Variants in RBM39 observed in about 807,000 individuals in gnomAD.
The protein encoded by RBM39 is RNA-binding protein 39.
In RBM39, 12 loss-of-function variants were observed where a neutral mutation model predicts 79.6. That is an observed-to-expected ratio of 0.15 (90% confidence interval 0.10 to 0.24). The LOEUF is 0.24. Among genes scored for constraint, RBM39 ranks in the 10% least tolerant of loss-of-function variants. The pLI is 1.00. For missense variants in RBM39, 243 were observed against 653.4 expected, an observed-to-expected ratio of 0.37 and a Z score of 6.85; for synonymous variants, 185 against 208.4, an observed-to-expected ratio of 0.89 and a Z score of 0.97.
At chr20:35,715,401 C>G (rs984838065) in intron 10 of RBM39, among the ~76,000 whole-genome samples, 1 of 152,134 alleles carries the variant, frequency 6.6e-6, no homozygotes, top group Non-Finnish European at 1.5e-5. Flanking sequence ...GTCTTGATCT[C>G]CTGACCTCAG....
chr20:35,738,977 C>T lies in RBM39; in HGVS notation c.92G>A (p.Arg31His). The T allele has an allele frequency of 1.9e-6, 3 of 1,613,326 alleles. No homozygotes were observed. Among genetic ancestry groups the T allele is most frequent in the Non-Finnish European group, 2.5e-6 (3 of 1,179,280 alleles). Reference sequence around the variant, plus strand: ...CCTTCTTAAAACTCACTTTTTGCTACGTTCTTCATGGCCGTTGGCACTGCT... The same window carrying T: ...CCTTCTTAAAACTCACTTTTTGCTATGTTCTTCATGGCCGTTGGCACTGCT... Reference protein sequence around the residue: ...KLSSANGHEERSKKRKKSKSR... With the variant: ...KLSSANGHEEHSKKRKKSKSR... The change falls in exon 3 of 17, where the codon CGT becomes CAT. Residue 31 changes from arginine to histidine, a missense_variant. Around this residue, in one of 4 missense-constraint regions of RBM39, gnomAD observed 115 missense variants for 184.1 expected, o/e 0.62. Coordinates refer to ENST00000253363, the MANE Select transcript of RBM39 (RefSeq NM_184234.3).
chr20:35,714,458 A>G, intron 10 of RBM39, 69 bp from the exon 11 acceptor site: 2 of 1,448,334 alleles, frequency 1.4e-6, no homozygotes, highest in Non-Finnish European at 9.1e-7. Context: ...ATACTTAAAA[A>G]TATATTTATA....
chr20:35,717,253 C>A (rs1462896406), intron 9 of RBM39, among the ~76,000 whole-genome samples: 2 of 151,062 alleles, frequency 1.3e-5, no homozygotes, highest in Non-Finnish European at 2.9e-5. Flanking sequence ...GTACTCCAGC[C>A]TGGACAACAG....
At chr20:35,725,238 A>T in intron 6 of RBM39, 83 bp from the exon 7 acceptor site, 1 of 988,420 alleles carries the variant, frequency 1.0e-6, no homozygotes. Flanking sequence ...CATATAGTTC[A>T]ACAGGTTTTC....
At chr20:35,720,589 G>A (rs187672518) in intron 9 of RBM39, among the ~76,000 whole-genome samples, 2 of 150,304 alleles carry the variant, frequency 1.3e-5, no homozygotes, top group East Asian at 1.9e-4. Flanking sequence ...GGCCAACATG[G>A]TAAAGCCCTG....
intron 6 of RBM39, among the ~76,000 whole-genome samples, chr20:35,725,690 T>G (rs1338565282): frequency 6.6e-6 from 1 of 150,746 alleles, no homozygotes; most frequent in Non-Finnish European, 1.5e-5. Flanking sequence ...AGAGGAAGTC[T>G]TGTTCTTGTC....
intron 3 of RBM39, among the ~76,000 whole-genome samples, chr20:35,738,054 G>A (rs1038040772): frequency 2.0e-5 from 3 of 151,894 alleles, no homozygotes; most frequent in Non-Finnish European, 2.9e-5. Context: ...CTAATCGGAG[G>A]CTGAGGCAGG....
At chr20:35,719,440 G>A (rs563607573) in intron 9 of RBM39, among the ~76,000 whole-genome samples, 9 of 152,116 alleles carry the variant, frequency 5.9e-5, no homozygotes, top group Non-Finnish European at 1.2e-4. Flanking sequence ...AGTGGCTCAC[G>A]CCTGTAATGA....
At chr20:35,717,379 T>C (rs746617159) in intron 9 of RBM39, among the ~76,000 whole-genome samples, 2 of 151,110 alleles carry the variant, frequency 1.3e-5, no homozygotes, top group Non-Finnish European at 2.9e-5. Context: ...AAAACTATGA[T>C]TGTAACCTAA....
chr20:35,738,901 C>T, intron 3 of RBM39, 67 bp downstream of exon 3: 2 of 1,377,026 alleles, frequency 1.5e-6, no homozygotes, highest in Non-Finnish European at 2.0e-6. Context: ...GCCACAGGAA[C>T]ACAACTTAAG....
At chr20:35,716,710 C>A in intron 10 of RBM39, 30 bp downstream of exon 10, 1 of 1,340,958 alleles carries the variant, frequency 7.5e-7, no homozygotes, top group Non-Finnish European at 1.0e-6. Flanking sequence ...AAAAAAAACC[C>A]TAAGTAATAT....
intron 8 of RBM39, among the ~76,000 whole-genome samples, chr20:35,722,406 C>CAA (rs1247582024): frequency 1.0e-5 from 1 of 95,314 alleles, no homozygotes; most frequent in Non-Finnish European, 2.1e-5. Flanking sequence ...GACTCAGTCT[C>CAA]AAAAAAAATA....
intron 10 of RBM39, among the ~76,000 whole-genome samples, chr20:35,715,490 A>G (rs2036995105): frequency 6.6e-6 from 1 of 152,170 alleles, no homozygotes; most frequent in African/African-American, 2.4e-5. Flanking sequence ...AACACTTTTG[A>G]CAAGACAATT....
At chr20:35,734,422 T>A (rs2039694440) in intron 3 of RBM39, 2 of 302,892 alleles carry the variant, frequency 6.6e-6, no homozygotes, top group Non-Finnish European at 1.3e-5. Flanking sequence ...CCTAACACTA[T>A]CTCTGTGACA....
chr20:35,707,774 T>C (rs2035923171), intron 13 of RBM39: 2 of 272,018 alleles, frequency 7.4e-6, no homozygotes, highest in Non-Finnish European at 1.5e-5. Flanking sequence ...TTTAAAAATG[T>C]TTTCGCACAA....
intron 11 of RBM39, chr20:35,713,863 T>G: frequency 4.6e-6 from 1 of 216,134 alleles, no homozygotes; most frequent in Non-Finnish European, 9.4e-6. Context: ...AGACCCTGCA[T>G]CAAAAAATAA....
At position 35,713,115 on chromosome 20, in the gene RBM39, A is replaced by C. The variant is rs754881238; in HGVS notation, c.1097-19T>G. 3 of 1,607,272 alleles carry C rather than the reference A, an allele frequency of 1.9e-6. No homozygotes were observed. In the African/African-American group the frequency reaches 4.0e-5, roughly 22 times the overall value. ...CCTGTACCTGTAAAAGAATAGTCTTAAAGTTCCTACTATGTTGAGAGCAGA... is the reference window on the plus strand; with the variant it reads ...CCTGTACCTGTAAAAGAATAGTCTTCAAGTTCCTACTATGTTGAGAGCAGA... On this transcript the variant is annotated intron_variant, in intron 11 of 16. Transcript: ENST00000253363.
intron 4 of RBM39, chr20:35,731,688 T>C (rs2039383435): frequency 4.0e-6 from 2 of 506,322 alleles, no homozygotes; most frequent in South Asian, 2.6e-5. Flanking sequence ...TTGCGTTGAC[T>C]GGCATACAAT....
intron 3 of RBM39, chr20:35,734,479 A>C: frequency 4.3e-6 from 1 of 230,998 alleles, no homozygotes; most frequent in Non-Finnish European, 8.8e-6. Context: ...AAAAGTCCTA[A>C]ATATATTCAA....
Sources: gnomAD v4.1 joint callset for allele counts (sites outside exome capture counted in the v4.1 genomes callset) on GRCh38, gnomAD v4.1.1 for gene constraint, gnomAD v4.1.1 regional missense constraint, MANE v1.5 for transcripts, NCBI Gene and HGNC (gene_info 2026-07-23, HGNC 2026-07-21) for gene names.